INTS15: variants seen among roughly 807,000 people sequenced by gnomAD.
INTS15 encodes uncharacterized protein C7orf26.
chr7:6,593,366 T>C, the INTS15 span, among the ~76,000 whole-genome samples: 1 of 149,278 alleles, frequency 6.7e-6, no homozygotes, highest in African/African-American at 2.5e-5. Context: ...AGTCTTTCTC[T>C]GTCGCCCAAG....
chr7:6,607,081 G>T, the INTS15 span, among the ~76,000 whole-genome samples: 9 of 152,072 alleles, frequency 5.9e-5, no homozygotes, highest in Admixed American at 5.9e-4. The surrounding 1 kb of genome is among the most constrained non-coding windows in gnomAD (Gnocchi z 6.0). Flanking sequence ...CGCCTCGGCT[G>T]GGGGAGCTGG....
chr7:6,600,424 C>G, the INTS15 span: 1 of 1,451,056 alleles, frequency 6.9e-7, no homozygotes, highest in Non-Finnish European at 9.2e-7. Flanking sequence ...GAAGGAGGGG[C>G]TCCTGGACAG....
chr7:6,600,127 C>T, the INTS15 span: 35 of 1,614,036 alleles, frequency 2.2e-5, no homozygotes, highest in Admixed American at 6.7e-5. Context: ...TCCACCTCAG[C>T]GTCCTGCAAG....
At chr7:6,605,571 C>T in the INTS15 span, among the ~76,000 whole-genome samples, 3 of 152,216 alleles carry the variant, frequency 2.0e-5, no homozygotes, top group Non-Finnish European at 4.4e-5. Flanking sequence ...AGACTCTTGA[C>T]TCCATCCCTT....
At chr7:6,597,165 A>C in the INTS15 span, among the ~76,000 whole-genome samples, 6 of 152,302 alleles carry the variant, frequency 3.9e-5, no homozygotes, top group East Asian at 3.9e-4. Flanking sequence ...ACGCTGCTGC[A>C]GTGGGATTTC....
At chr7:6,602,073 C>G in the INTS15 span, 1 of 1,607,178 alleles carries the variant, frequency 6.2e-7, no homozygotes, top group Non-Finnish European at 8.5e-7. Context: ...CCAGTATGTT[C>G]ATTAATCTTG....
the INTS15 span, chr7:6,607,555 C>A: frequency 7.5e-7 from 1 of 1,329,030 alleles, no homozygotes; most frequent in Middle Eastern, 2.1e-4. This position sits in a 1 kb window ranked among gnomAD's most constrained non-coding sequence, Gnocchi z 6.0. Flanking sequence ...ATTTCGGGGT[C>A]GTTTGCAAGG....
the INTS15 span, chr7:6,594,362 C>G: frequency 6.7e-7 from 1 of 1,489,522 alleles, no homozygotes. Context: ...GAGGTGGTCA[C>G]TGTGTGTGCA....
At chr7:6,592,289 T>C in the INTS15 span, among the ~76,000 whole-genome samples, 2 of 151,562 alleles carry the variant, frequency 1.3e-5, no homozygotes, top group Non-Finnish European at 2.9e-5. Flanking sequence ...TTTTTGGCCA[T>C]GCTTAGTGGT....
chr7:6,590,607 C>A, the INTS15 span: 1 of 1,392,346 alleles, frequency 7.2e-7, no homozygotes, highest in Non-Finnish European at 9.3e-7. Flanking sequence ...CGGCCTCGCT[C>A]CTGCAGCAGC....
the INTS15 span, among the ~76,000 whole-genome samples, chr7:6,607,365 G>A: frequency 6.6e-6 from 1 of 151,274 alleles, no homozygotes; most frequent in Non-Finnish European, 1.5e-5. This position sits in a 1 kb window ranked among gnomAD's most constrained non-coding sequence, Gnocchi z 6.0. Context: ...AGCTGTTCTC[G>A]GAGCCCCGGT....
the INTS15 span, among the ~76,000 whole-genome samples, chr7:6,596,987 C>G: frequency 1.3e-5 from 2 of 152,160 alleles, no homozygotes; most frequent in South Asian, 4.1e-4. Context: ...ACCGTGTTAG[C>G]CAGGATGGTC....
chr7:6,599,184 G>A, the INTS15 span, among the ~76,000 whole-genome samples: 1 of 152,260 alleles, frequency 6.6e-6, no homozygotes, highest in Non-Finnish European at 1.5e-5. Context: ...AGGATTAAAC[G>A]AGTTCGTCTG....
chr7:6,606,232 G>A, the INTS15 span, among the ~76,000 whole-genome samples: 2 of 152,204 alleles, frequency 1.3e-5, no homozygotes, highest in Non-Finnish European at 2.9e-5. Flanking sequence ...GGGCTCAGAA[G>A]AACTTTGGGC....
chr7:6,596,842 G>C, the INTS15 span, among the ~76,000 whole-genome samples: 1 of 152,264 alleles, frequency 6.6e-6, no homozygotes, highest in Non-Finnish European at 1.5e-5. Flanking sequence ...GAGTGCAGTG[G>C]TGCGATCTCG....
the INTS15 span, chr7:6,590,253 C>A: frequency 6.8e-7 from 1 of 1,474,854 alleles, no homozygotes; most frequent in African/African-American, 1.5e-5. Context: ...AAGTGAGACG[C>A]GCTCGGCGCG....
the INTS15 span, chr7:6,599,865 T>C: frequency 6.2e-7 from 1 of 1,614,150 alleles, no homozygotes; most frequent in East Asian, 2.2e-5. Context: ...CTTGAAATGA[T>C]TGTCACCTGG....
the INTS15 span, among the ~76,000 whole-genome samples, chr7:6,603,399 T>C: frequency 8.6e-5 from 13 of 151,222 alleles, no homozygotes; most frequent in East Asian, 2.5e-3. Flanking sequence ...AATACAAAAT[T>C]AGCCAGGTGT....
At chr7:6,599,892 G>T in the INTS15 span, 1 of 1,614,078 alleles carries the variant, frequency 6.2e-7, no homozygotes. Flanking sequence ...GAGGACCCAA[G>T]GTTGATTCTC....
Sources: gnomAD v4.1 joint callset for allele counts (sites outside exome capture counted in the v4.1 genomes callset) on GRCh38, gnomAD v4.1.1 for gene constraint, Gnocchi (gnomAD v3.1) non-coding constraint, MANE v1.5 for transcripts, NCBI Gene and HGNC (gene_info 2026-07-23, HGNC 2026-07-21) for gene names.